Variants in SHROOM3 observed in about 807,000 individuals in gnomAD.
SHROOM3 encodes the protein protein Shroom3.
In SHROOM3, 47 loss-of-function variants were observed where a neutral mutation model predicts 138.6. The ratio of observed to expected loss-of-function variants is 0.34; its 90% CI spans 0.27 to 0.43. The LOEUF (loss-of-function observed/expected upper bound fraction) is 0.43, where lower values mean the gene tolerates loss of function less well. Among genes scored for constraint, SHROOM3 ranks in the 20% least tolerant of loss-of-function variants. The pLI, the probability that SHROOM3 is intolerant of heterozygous loss-of-function variation, is 1.00. For missense variants in SHROOM3, 2,491 were observed against 2,596.5 expected, an observed-to-expected ratio of 0.96 and a Z score of 0.88; for synonymous variants, 1,062 against 1,063.3, an observed-to-expected ratio of 1.00 and a Z score of 0.02.
At chr4:76,742,228 G>T in intron 5 of SHROOM3, 11 of 425,500 alleles carry the variant, frequency 2.6e-5, no homozygotes, top group South Asian at 8.4e-5. Flanking sequence ...GAAAAATTAG[G>T]GATTATCTTT....
rs573699721 is a variant in SHROOM3, at chr4:76,496,455, G to T, written c.169-59154G>T. Among the ~76,000 whole-genome samples the T allele has an allele frequency of 2.6e-5, 4 of 152,198 alleles. No individual in the cohort carries two copies. In the South Asian group the frequency reaches 8.3e-4, roughly 32 times the overall value. ...GAATTTCCCAAGGAGACCCTTTTGT[G>T]GTGGTATAGAAACCAAACCACTTGT... On this transcript the variant is annotated intron_variant, in intron 1 of 10. Transcript: ENST00000296043.
intron 2 of SHROOM3, among the ~76,000 whole-genome samples, chr4:76,677,524 C>T (rs901332033): frequency 6.6e-6 from 1 of 152,156 alleles, no homozygotes; most frequent in Non-Finnish European, 1.5e-5. Context: ...AATGACCAGG[C>T]AGCACAAAAT....
At chr4:76,484,410 G>GA (rs377149865) in intron 1 of SHROOM3, among the ~76,000 whole-genome samples, 66 of 146,828 alleles carry the variant, frequency 4.5e-4, no homozygotes, top group Middle Eastern at 3.5e-3. Flanking sequence ...CATCTCTTAA[G>GA]AAAAAAAAAA....
intron 2 of SHROOM3, among the ~76,000 whole-genome samples, chr4:76,667,992 A>AAAAAAAG (rs1718758219): frequency 7.0e-6 from 1 of 143,708 alleles, no homozygotes; most frequent in Admixed American, 7.0e-5. Flanking sequence ...AAAAAAAAAA[A>AAAAAAAG]GTTGTTCTGC....
intron 4 of SHROOM3, among the ~76,000 whole-genome samples, chr4:76,737,330 TGCAGAACA>T (rs1721103022): frequency 6.6e-6 from 1 of 151,682 alleles, no homozygotes; most frequent in Non-Finnish European, 1.5e-5. Context: ...ATTCACCTAC[TGCAGAACA>T]GCCTTGTTGC....
At chr4:76,765,873 T>C (rs370094293) in intron 9 of SHROOM3, among the ~76,000 whole-genome samples, 1 of 152,366 alleles carries the variant, frequency 6.6e-6, no homozygotes, top group East Asian at 1.9e-4. Flanking sequence ...TAGAAAATGC[T>C]TTTGAAAAAC....
intron 2 of SHROOM3, among the ~76,000 whole-genome samples, chr4:76,648,194 G>T (rs1050638888): frequency 2.0e-5 from 3 of 152,148 alleles, no homozygotes; most frequent in African/African-American, 7.2e-5. Context: ...CAGGCATGGT[G>T]GTGCGTACCT....
intron 1 of SHROOM3, among the ~76,000 whole-genome samples, chr4:76,446,407 G>A (rs1299378416): frequency 7.3e-6 from 1 of 136,600 alleles, no homozygotes; most frequent in Non-Finnish European, 1.7e-5. Flanking sequence ...TGCCCTGCTC[G>A]GTGAAATGGC....
chr4:76,671,053 C>G (rs1489221064), intron 2 of SHROOM3, among the ~76,000 whole-genome samples: 1 of 152,224 alleles, frequency 6.6e-6, no homozygotes, highest in Non-Finnish European at 1.5e-5. Flanking sequence ...TTAATCCCCT[C>G]TGCTATTACC....
chr4:76,462,924 G>A (rs923628000), intron 1 of SHROOM3, among the ~76,000 whole-genome samples: 2 of 152,120 alleles, frequency 1.3e-5, no homozygotes, highest in Non-Finnish European at 2.9e-5. Flanking sequence ...CCAGACTCAG[G>A]TAGTTCTTTA....
At position 76,565,656 on chromosome 4, in the gene SHROOM3, T is replaced by A. The variant is rs148035996; in HGVS notation, c.323+9893T>A. ...CACCACCACACCCAGATAATTTTTT[T>A]ATTTTTTGTAGACAGAGTCTCGCTT... On this transcript the variant is annotated intron_variant, in intron 2 of 10. Coordinates refer to ENST00000296043, the MANE Select transcript of SHROOM3 (RefSeq NM_020859.4). 5.6e-3 allele frequency among the ~76,000 whole-genome samples: 847 copies of A among 152,216 alleles called. 11 individuals carry two copies. The highest frequency in any genetic ancestry group is 0.019 in the African/African-American group (807 of 41,512).
chr4:76,608,450 CTGT>C (rs1183646403), intron 2 of SHROOM3, among the ~76,000 whole-genome samples: 1 of 152,194 alleles, frequency 6.6e-6, no homozygotes, highest in African/African-American at 2.4e-5. Context: ...AAAGCATCAC[CTGT>C]TGTTCTCTCA....
intron 1 of SHROOM3, among the ~76,000 whole-genome samples, chr4:76,448,545 A>C (rs556126644): frequency 2.0e-5 from 3 of 152,276 alleles, no homozygotes; most frequent in African/African-American, 7.2e-5. Context: ...CTCAGATGGG[A>C]TGACTCTAAG....
intron 1 of SHROOM3, among the ~76,000 whole-genome samples, chr4:76,502,896 C>A (rs1444617784): frequency 6.6e-6 from 1 of 152,114 alleles, no homozygotes; most frequent in East Asian, 1.9e-4. Flanking sequence ...TTAAAATATT[C>A]TCTTTTCCAT....
chr4:76,528,109 G>A (rs1732738611), intron 1 of SHROOM3, among the ~76,000 whole-genome samples: 1 of 152,182 alleles, frequency 6.6e-6, no homozygotes, highest in Non-Finnish European at 1.5e-5. Flanking sequence ...AATAGTAACA[G>A]TGAATTAATT....
chr4:76,669,878 T>C (rs1054101495), intron 2 of SHROOM3, among the ~76,000 whole-genome samples: 2 of 152,182 alleles, frequency 1.3e-5, no homozygotes, highest in African/African-American at 4.8e-5. Flanking sequence ...GAAACTAAGG[T>C]TCCACATCCA....
chr4:76,733,123 C>T (rs1720930753), intron 4 of SHROOM3, among the ~76,000 whole-genome samples: 1 of 152,118 alleles, frequency 6.6e-6, no homozygotes, highest in Non-Finnish European at 1.5e-5. Context: ...AATCCAAAGC[C>T]ACACTGTGAC....
intron 2 of SHROOM3, among the ~76,000 whole-genome samples, chr4:76,682,505 C>T (rs1719226625): frequency 6.6e-6 from 1 of 152,066 alleles, no homozygotes; most frequent in Non-Finnish European, 1.5e-5. Context: ...CTGGGTTTTC[C>T]ACTACACTGT....
rs966877229 is a variant in SHROOM3 at position 76,700,214 on chromosome 4, C to T, written c.324-9942C>T. On this transcript the variant is annotated intron_variant, in intron 2 of 10. Transcript: ENST00000296043. ...CAGATCTGGAGTCAAATTCTTTTTT[C>T]ACCAGCATTTGGACAAACTTCCTGC... Among the ~76,000 whole-genome samples the T allele has an allele frequency of 3.4e-4, 51 of 152,150 alleles. 1 individual carries two copies. Among genetic ancestry groups the T allele is most frequent in the Admixed American group, 3.2e-3 (49 of 15,284 alleles).
Sources: allele counts gnomAD v4.1 joint callset (sites outside exome capture counted in the v4.1 genomes callset), GRCh38; gene constraint gnomAD v4.1.1; transcripts MANE v1.5; gene names NCBI Gene and HGNC (gene_info 2026-07-23, HGNC 2026-07-21).